The following SKP1 variants were observed in gnomAD, a reference collection of about 807,000 sequenced individuals.
SKP1 encodes the protein S-phase kinase associated protein 1.
SKP1 carries 1 observed loss-of-function variant against 21.5 expected under a neutral mutation model. The ratio of observed to expected loss-of-function variants is 0.05; its 90% confidence interval spans 0.02 to 0.22. SKP1 has a LOEUF of 0.22. SKP1 is among the 10% of genes least tolerant of loss of function. The probability of loss-of-function intolerance (pLI) is 1.00; values close to 1 mark genes in which losing one functional copy is unlikely to be tolerated. For missense variants in SKP1, 70 were observed against 192.0 expected (o/e 0.36, Z 3.76); for synonymous variants, 59 against 59.3 (o/e 0.99, Z 0.03).
intron 1 of SKP1, 46 bp from the exon 2 acceptor site, chr5:134,174,068 T>C: frequency 8.5e-7 from 1 of 1,174,550 alleles, no homozygotes; most frequent in Non-Finnish European, 1.3e-6. Flanking sequence ...GAGAGAGTTC[T>C]ACATGACATT....
intron 4 of SKP1, among the ~76,000 whole-genome samples, chr5:134,160,535 G>C (rs1250122854): frequency 6.6e-6 from 1 of 151,942 alleles, no homozygotes; most frequent in Non-Finnish European, 1.5e-5. Flanking sequence ...TTCACTTCTT[G>C]GAAGTTCTGC....
rs913495269 is a variant in SKP1, at chr5:134,152,215, T to C, written c.*5518A>G. The C allele has an allele frequency of 2.0e-5, 3 of 146,768 alleles. No individual in the cohort carries two copies. The highest frequency in any genetic ancestry group is 8.1e-5 in the African/African-American group (3 of 37,080). The allele number at this position is 146,768 out of a possible 1,614,324, so 9.1% of individuals were successfully genotyped here. On this transcript the variant is annotated 3_prime_UTR_variant, in exon 6 of 6. Coordinates refer to ENST00000353411, the MANE Select transcript of SKP1 (RefSeq NM_170679.3). ...AAATAAAAATTAAAATTAAAAAAATTAGAATTTAGCTCACTCAAAAATTGC... is the reference window on the plus strand; with the variant it reads ...AAATAAAAATTAAAATTAAAAAAATCAGAATTTAGCTCACTCAAAAATTGC...
At chr5:134,172,564 G>T (rs1445676805) in intron 2 of SKP1, among the ~76,000 whole-genome samples, 1 of 145,056 alleles carries the variant, frequency 6.9e-6, no homozygotes, top group Non-Finnish European at 1.5e-5. Context: ...AAAAGAGAAA[G>T]CTTGTTTAAA....
intron 3 of SKP1, among the ~76,000 whole-genome samples, chr5:134,162,980 C>T (rs940600526): frequency 4.6e-5 from 7 of 151,792 alleles, no homozygotes; most frequent in Non-Finnish European, 8.8e-5. Context: ...TTTGGGAGGC[C>T]AAGGTGGGTG....
At chr5:134,168,764 G>A (rs762402159) in intron 2 of SKP1, among the ~76,000 whole-genome samples, 30 of 152,084 alleles carry the variant, frequency 2.0e-4, no homozygotes, top group Non-Finnish European at 3.7e-4. Flanking sequence ...TAAGGTTTAT[G>A]GCATGAAAAG....
intron 2 of SKP1, among the ~76,000 whole-genome samples, chr5:134,171,520 A>T (rs951926656): frequency 2.0e-5 from 3 of 152,162 alleles, no homozygotes; most frequent in Non-Finnish European, 2.9e-5. Context: ...CCACAAACTC[A>T]ATCACCTAGT....
rs1761559671 is a variant in SKP1, at chr5:134,176,860, T to C, written c.-6A>G. On this transcript the variant is annotated 5_prime_UTR_variant, in exon 1 of 6. Coordinates refer to ENST00000353411, the MANE Select transcript of SKP1 (RefSeq NM_170679.3). ...TTCAGTGGGCGGCTACTCACGGTGT[T>C]CGGTGTTAAGGAGACGGCCGGCGGG... 1 of 152,820 alleles carries C rather than the reference T, an allele frequency of 6.5e-6. No individual in the cohort carries two copies. The highest frequency in any genetic ancestry group is 6.5e-5 in the Admixed American group (1 of 15,286). The allele number at this position is 152,820 out of a possible 1,614,324, so 9.5% of individuals were successfully genotyped here. A position where few individuals can be genotyped will look rare whatever the true frequency, so the allele number is the denominator to read the frequency against.
intron 4 of SKP1, among the ~76,000 whole-genome samples, chr5:134,158,858 T>C (rs1761166965): frequency 6.6e-6 from 1 of 152,244 alleles, no homozygotes; most frequent in Non-Finnish European, 1.5e-5. Flanking sequence ...TACTGTTGTG[T>C]ATGTGTGTAC....
At position 134,158,594 on chromosome 5, in the gene SKP1, G is replaced by C; in HGVS notation, c.317C>G (p.Ala106Gly). ...DQGTLFELIL[A>G]ANYLDIKGLL... ...ACCTTTGATGTCTAAGTAGTTTGCA[G>C]CCTGTAAAGAGACAGTTGTTTTCCT... The change falls in exon 5 of 6, where the codon GCT (alanine) becomes GGT (glycine). Residue 106 changes from alanine (A) to glycine (G), a missense_variant and splice_region_variant. Physicochemically the swap from Ala to Gly is moderately conservative, Grantham distance 60. Coordinates refer to ENST00000353411, the MANE Select transcript of SKP1 (RefSeq NM_170679.3). The C allele has an allele frequency of 6.2e-7, 1 of 1,612,654 alleles. No individual in the cohort carries two copies. Among genetic ancestry groups the C allele is most frequent in the Non-Finnish European group, 8.5e-7 (1 of 1,179,322 alleles).
rs1020367187 is a variant in SKP1, at chr5:134,169,096, G to C, written c.98-1853C>G. On this transcript the variant is annotated intron_variant, in intron 2 of 5. Transcript: ENST00000353411. ...AAGGGTGTGAGGTAAGCAGTAAGTG[G>C]AATTTTGGGAACCAAGTCAAGAGGG... Among the ~76,000 whole-genome samples the C allele has an allele frequency of 2.0e-5, 3 of 152,154 alleles. No homozygotes were observed. In the East Asian group the frequency reaches 5.8e-4, roughly 29 times the overall value.
rs1247160931 is a variant in SKP1 at position 134,165,027 on chromosome 5, A to AT, written c.171+2142dup. On this transcript the variant is annotated intron_variant, in intron 3 of 5. Coordinates refer to ENST00000353411, the MANE Select transcript of SKP1 (RefSeq NM_170679.3). ...AGTAGAATAGTGTTTACCTAGCGTA[A>AT]TTTTTTTTTTTGAGGGGGGAGGGTG... Among the ~76,000 whole-genome samples, 81 of 131,452 alleles carry AT rather than the reference A, an allele frequency of 6.2e-4. 1 individual carries two copies. The highest frequency in any genetic ancestry group is 4.8e-3 in the South Asian group (19 of 3,946). 86.2% of individuals were successfully genotyped at this position (131,452 alleles called of 152,430 possible).
intron 3 of SKP1, among the ~76,000 whole-genome samples, chr5:134,163,733 T>C (rs1761269048): frequency 6.6e-6 from 1 of 152,054 alleles, no homozygotes; most frequent in Admixed American, 6.5e-5. Context: ...GAAGGTGCAG[T>C]GACCCATGAC....
chr5:134,158,452 T>C lies in SKP1; in HGVS notation c.456+3A>G, dbSNP rs775309120. On this transcript the variant is annotated splice_donor_region_variant and intron_variant, in intron 5 of 5. Coordinates refer to ENST00000353411, the MANE Select transcript of SKP1 (RefSeq NM_170679.3). ...ATCAAAGACAAAACTGTGTGCTACC[T>C]ACCTGGGCTTCCTCCTCTTCAGTAA... The C allele has an allele frequency of 6.2e-7, 1 of 1,614,084 alleles. No individual in the cohort carries two copies. Among genetic ancestry groups the C allele is most frequent in the Non-Finnish European group, 8.5e-7 (1 of 1,179,966 alleles).
intron 4 of SKP1, among the ~76,000 whole-genome samples, chr5:134,160,496 G>A (rs1761200412): frequency 1.3e-5 from 2 of 152,040 alleles, no homozygotes; most frequent in African/African-American, 2.4e-5. Context: ...GTCACTTTGT[G>A]GACTTCTTTG....
intron 4 of SKP1, among the ~76,000 whole-genome samples, chr5:134,160,480 A>C (rs1376918179): frequency 3.3e-5 from 5 of 152,146 alleles, no homozygotes; most frequent in East Asian, 1.9e-4. Context: ...TGAAATCTCT[A>C]TGATTGTCAC....
rs888673328 is a variant in SKP1, at chr5:134,174,584, C to T, written c.1-562G>A. On this transcript the variant is annotated intron_variant, in intron 1 of 5. Transcript: ENST00000353411. ...AGATAAGCAGATGTGAGTACAATTC[C>T]CTAAATCTACTTAAAAGCTTCATTT... is the stretch of plus-strand genomic sequence containing the variant. 4 of 503,520 alleles carry T rather than the reference C, an allele frequency of 7.9e-6. No homozygotes were observed. In the African/African-American group the frequency reaches 8.4e-5, roughly 11 times the overall value. The allele number at this position is 503,520 out of a possible 1,614,324, so 31.2% of individuals were successfully genotyped here.
chr5:134,170,177 AT>A (rs1419722652), intron 2 of SKP1, among the ~76,000 whole-genome samples: 1 of 152,158 alleles, frequency 6.6e-6, no homozygotes, highest in Non-Finnish European at 1.5e-5. Flanking sequence ...TCTCAAAAAA[AT>A]AAAATAAAAT....
Position 134,149,827 on chromosome 5 carries a change from ACT to A in SKP1, c.*7904_*7905del, listed in dbSNP as rs1659388036. On this transcript the variant is annotated 3_prime_UTR_variant, in exon 6 of 6. Transcript: ENST00000353411. ...TGTATTGGCGGGGAAGTCTTTGGCA[ACT>A]CTGTTTAAATCAGATCAGCTTTTTT... The A allele has an allele frequency of 6.7e-6, 1 of 150,030 alleles. No homozygotes were observed. Among genetic ancestry groups the A allele is most frequent in the Admixed American group, 6.6e-5 (1 of 15,040 alleles). 9.3% of individuals were successfully genotyped at this position (150,030 alleles called of 1,614,324 possible). A position where few individuals can be genotyped will look rare whatever the true frequency, so the allele number is the denominator to read the frequency against.
intron 1 of SKP1, chr5:134,174,572 T>G: frequency 1.7e-6 from 1 of 584,236 alleles, no homozygotes; most frequent in Non-Finnish European, 2.2e-6. Flanking sequence ...TAAGCAGATG[T>G]GAGTACAATT....
Sources: gnomAD v4.1 joint callset for allele counts (sites outside exome capture counted in the v4.1 genomes callset) on GRCh38, gnomAD v4.1.1 for gene constraint, MANE v1.5 for transcripts, NCBI Gene and HGNC (gene_info 2026-07-23, HGNC 2026-07-21) for gene names.